The following AGBL4 variants were observed in gnomAD, a reference collection of about 807,000 sequenced individuals.
AGBL4 encodes the protein AGBL carboxypeptidase 4, also known as cytosolic carboxypeptidase 6.
In AGBL4, 58 loss-of-function variants were observed where a neutral mutation model predicts 66.4. That is an observed-to-expected ratio of 0.87 (90% CI 0.71 to 1.09). The LOEUF (loss-of-function observed/expected upper bound fraction) is 1.09, where lower values mean the gene tolerates loss of function less well. Ranked by LOEUF, AGBL4 falls within the 50% of genes least tolerant of loss-of-function variation. The probability of loss-of-function intolerance (pLI) is 0.00; values close to 1 mark genes in which losing one functional copy is unlikely to be tolerated. For missense variants in AGBL4, 579 were observed against 631.0 expected (o/e 0.92, Z 0.88); for synonymous variants, 234 against 222.9 (o/e 1.05, Z -0.44).
chr1:49,950,172 A>G (rs1365184187), intron 1 of AGBL4, among the ~76,000 whole-genome samples: 1 of 146,734 alleles, frequency 6.8e-6, no homozygotes, highest in Non-Finnish European at 1.5e-5. Context: ...ACATATATAT[A>G]TACATATGTA....
chr1:48,807,659 C>T (rs1325634818), intron 6 of AGBL4, among the ~76,000 whole-genome samples: 1 of 152,146 alleles, frequency 6.6e-6, no homozygotes, highest in African/African-American at 2.4e-5. Context: ...AGCTGACACT[C>T]ACATTTTCCT....
At chr1:49,487,668 C>A (rs1258737748) in intron 3 of AGBL4, among the ~76,000 whole-genome samples, 1 of 151,972 alleles carries the variant, frequency 6.6e-6, no homozygotes, top group Admixed American at 6.6e-5. Flanking sequence ...GTCAATTAAA[C>A]CTCTTCCCTT....
At chr1:48,811,553 G>A (rs955210851) in intron 6 of AGBL4, among the ~76,000 whole-genome samples, 1 of 152,140 alleles carries the variant, frequency 6.6e-6, no homozygotes, top group Non-Finnish European at 1.5e-5. Flanking sequence ...CAAACTCAAT[G>A]AGCAACTTGG....
intron 3 of AGBL4, among the ~76,000 whole-genome samples, chr1:49,658,322 A>C (rs1482649795): frequency 2.6e-5 from 4 of 152,064 alleles, no homozygotes; most frequent in African/African-American, 4.8e-5. Context: ...CATCTCACAC[A>C]AGTTAGAAGG....
At chr1:49,061,475 G>A (rs2147911825) in intron 4 of AGBL4, among the ~76,000 whole-genome samples, 2 of 152,288 alleles carry the variant, frequency 1.3e-5, no homozygotes, top group Non-Finnish European at 2.9e-5. Context: ...TATCAGGTAT[G>A]AGATCTGGGC....
At chr1:49,849,131 TCTGTGG>T (rs1646236101) in intron 2 of AGBL4, among the ~76,000 whole-genome samples, 1 of 152,090 alleles carries the variant, frequency 6.6e-6, no homozygotes, top group Admixed American at 6.5e-5. Context: ...ACCTTTACTT[TCTGTGG>T]CTGCAAGGCT....
intron 1 of AGBL4, among the ~76,000 whole-genome samples, chr1:49,903,798 G>A (rs1413778882): frequency 6.6e-6 from 1 of 152,108 alleles, no homozygotes; most frequent in Non-Finnish European, 1.5e-5. Flanking sequence ...GCAAAGGTAT[G>A]GTGCTGTCAG....
At chr1:48,855,460 G>A (rs1053360957) in intron 6 of AGBL4, among the ~76,000 whole-genome samples, 3 of 152,114 alleles carry the variant, frequency 2.0e-5, no homozygotes, top group Admixed American at 6.6e-5. Flanking sequence ...TTAACTAATC[G>A]TCCGAGTAAC....
rs186338877 is a variant in AGBL4 at position 49,971,566 on chromosome 1, G to A, written c.34+52197C>T. Among the ~76,000 whole-genome samples the A allele has an allele frequency of 1.1e-3, 170 of 152,178 alleles. 4 individuals are homozygous for A. The highest frequency in any genetic ancestry group is 1.2e-3 in the East Asian group (6 of 5,188). ...ACATGGTGAGGTCACTAAGAATTGC[G>A]GGAAGAAGGAATCTTCTAGCTGAAA... On this transcript the variant is annotated intron_variant, in intron 1 of 13. Transcript: ENST00000371839.
intron 3 of AGBL4, among the ~76,000 whole-genome samples, chr1:49,538,801 A>C (rs1651797501): frequency 6.6e-6 from 1 of 152,198 alleles, no homozygotes; most frequent in Non-Finnish European, 1.5e-5. Context: ...TAATGTTCTC[A>C]AGGATTTGGA....
intron 6 of AGBL4, among the ~76,000 whole-genome samples, chr1:48,738,246 C>A (rs1425285057): frequency 6.6e-6 from 1 of 152,212 alleles, no homozygotes; most frequent in Non-Finnish European, 1.5e-5. Context: ...CAACAATCTA[C>A]CTGCACGTCT....
In AGBL4 at chr1:49,232,379, A is replaced by G. The variant is rs180883608; in HGVS notation, c.377+13391T>C. The stretch of plus-strand genomic sequence containing the variant: ...AATAATCTGAGTAACTTTGGACTCA[A>G]GAAGAATATGATCTGCATAAAAGGA... On this transcript the variant is annotated intron_variant, in intron 4 of 13. Transcript: ENST00000371839. Among the ~76,000 whole-genome samples the G allele has an allele frequency of 2.4e-4, 37 of 152,252 alleles. No homozygotes were observed. In the East Asian group the frequency reaches 4.6e-3, roughly 19 times the overall value.
intron 4 of AGBL4, among the ~76,000 whole-genome samples, chr1:49,231,446 G>C (rs1046994595): frequency 6.6e-6 from 1 of 152,140 alleles, no homozygotes; most frequent in Non-Finnish European, 1.5e-5. Context: ...CAATCTTGGA[G>C]ACCCTGGGGG....
intron 7 of AGBL4, among the ~76,000 whole-genome samples, chr1:48,661,554 T>C (rs1167547956): frequency 1.3e-5 from 2 of 152,198 alleles, no homozygotes; most frequent in Non-Finnish European, 2.9e-5. Flanking sequence ...CAGACATTTA[T>C]TGAAAACCTA....
chr1:49,822,670 A>G (rs1461589604), intron 2 of AGBL4, among the ~76,000 whole-genome samples: 1 of 152,184 alleles, frequency 6.6e-6, no homozygotes, highest in Non-Finnish European at 1.5e-5. Context: ...TTTATACATA[A>G]GTATGATATT....
chr1:48,575,042 C>A (rs1039173627), intron 11 of AGBL4, among the ~76,000 whole-genome samples: 5 of 152,062 alleles, frequency 3.3e-5, no homozygotes, highest in African/African-American at 1.2e-4. Flanking sequence ...TTAAATAAAC[C>A]CTTTGAATGA....
At chr1:49,464,680 C>G (rs1383804341) in intron 3 of AGBL4, among the ~76,000 whole-genome samples, 2 of 151,592 alleles carry the variant, frequency 1.3e-5, no homozygotes, top group East Asian at 2.0e-4. Flanking sequence ...AGCCCAATCT[C>G]TAGTGAGATA....
At chr1:49,037,037 A>G (rs985389537) in intron 5 of AGBL4, among the ~76,000 whole-genome samples, 3 of 152,016 alleles carry the variant, frequency 2.0e-5, no homozygotes, top group African/African-American at 7.2e-5. Flanking sequence ...TTAAAAGAAG[A>G]TGCACATGTA....
chr1:49,380,088 A>G lies in AGBL4; in HGVS notation c.283-134224T>C, dbSNP rs1224202826. 2.0e-5 allele frequency among the ~76,000 whole-genome samples: 3 copies of G among 152,152 alleles called. No homozygotes were observed. In the East Asian group the frequency reaches 5.8e-4, roughly 29 times the overall value. On this transcript the variant is annotated intron_variant, in intron 3 of 13. Coordinates refer to ENST00000371839, the MANE Select transcript of AGBL4 (RefSeq NM_032785.4). ...CCCTGTTTGCAGACGACATGATTGT[A>G]TATCTAGAAAACCCCATTGGCTCAG...
Sources: allele counts gnomAD v4.1 joint callset (sites outside exome capture counted in the v4.1 genomes callset), GRCh38; gene constraint gnomAD v4.1.1; transcripts MANE v1.5; gene names NCBI Gene and HGNC (gene_info 2026-07-23, HGNC 2026-07-21).